The following BTBD8 variants were observed in gnomAD, a reference collection of about 807,000 sequenced individuals.
BTBD8 encodes the protein BTB domain containing 8.
Under a neutral mutation model 162.9 loss-of-function variants are expected in BTBD8, and 110 were observed. The ratio of observed to expected loss-of-function variants is 0.68; its 90% CI spans 0.58 to 0.79. BTBD8 has a LOEUF of 0.79. Ranked by LOEUF, BTBD8 falls within the 30% of genes least tolerant of loss-of-function variation. The probability of loss-of-function intolerance (pLI) is 0.00; values close to 1 mark genes in which losing one functional copy is unlikely to be tolerated. For missense variants in BTBD8, 1,905 were observed against 2,085.4 expected (o/e 0.91, Z 1.68); for synonymous variants, 667 against 716.1 (o/e 0.93, Z 1.10).
At chr1:92,093,582 C>T (rs1196228887) in intron 2 of BTBD8, among the ~76,000 whole-genome samples, 1 of 152,150 alleles carries the variant, frequency 6.6e-6, no homozygotes, top group Admixed American at 6.5e-5. Flanking sequence ...GCCAGTTCTA[C>T]CACTTCTGTA....
chr1:92,099,664 T>C (rs1281647026), intron 2 of BTBD8, among the ~76,000 whole-genome samples: 1 of 152,208 alleles, frequency 6.6e-6, no homozygotes, highest in Non-Finnish European at 1.5e-5. Flanking sequence ...GGAATTATTT[T>C]CTAATTTCAT....
intron 14 of BTBD8, 83 bp downstream of exon 14, chr1:92,177,629 C>A: frequency 2.0e-6 from 2 of 1,002,798 alleles, no homozygotes; most frequent in Non-Finnish European, 1.5e-6. Context: ...TGTATTTGGG[C>A]TTTTATTTAG....
intron 2 of BTBD8, among the ~76,000 whole-genome samples, chr1:92,092,548 A>G (rs1329820849): frequency 1.3e-5 from 2 of 152,200 alleles, no homozygotes; most frequent in Non-Finnish European, 2.9e-5. Flanking sequence ...TTGGTCTTCT[A>G]GCCTCCGAAA....
chr1:92,135,326 C>T (rs1229324078), intron 5 of BTBD8, among the ~76,000 whole-genome samples: 3 of 152,230 alleles, frequency 2.0e-5, no homozygotes, highest in Non-Finnish European at 4.4e-5. Flanking sequence ...GCTGGGATTA[C>T]AGGCGTGTGC....
At chr1:92,105,555 A>G (rs1337642299) in intron 3 of BTBD8, among the ~76,000 whole-genome samples, 3 of 152,242 alleles carry the variant, frequency 2.0e-5, no homozygotes, top group African/African-American at 7.2e-5. Flanking sequence ...GCCCAGCCAA[A>G]ATATATCTTA....
At chr1:92,120,350 G>A (rs1649175647) in intron 4 of BTBD8, among the ~76,000 whole-genome samples, 1 of 152,128 alleles carries the variant, frequency 6.6e-6, no homozygotes, top group Admixed American at 6.5e-5. Context: ...AAGGTCTTCG[G>A]GGCAGTAACG....
intron 1 of BTBD8, among the ~76,000 whole-genome samples, chr1:92,085,463 G>A (rs191127260): frequency 5.3e-5 from 8 of 152,070 alleles, no homozygotes; most frequent in African/African-American, 1.2e-4. Context: ...ATGGTGGTGC[G>A]CACCTGTACT....
At chr1:92,125,485 G>A (rs1649331320) in intron 4 of BTBD8, 1 of 320,760 alleles carries the variant, frequency 3.1e-6, no homozygotes, top group African/African-American at 2.2e-5. Flanking sequence ...AGAAGGAGGA[G>A]GCAAAACAAA....
chr1:92,137,701 G>C (rs1649666644), intron 5 of BTBD8, among the ~76,000 whole-genome samples: 1 of 152,156 alleles, frequency 6.6e-6, no homozygotes, highest in Admixed American at 6.5e-5. Flanking sequence ...AAATGCTTGG[G>C]ATCAGAGTGT....
intron 12 of BTBD8, 25 bp downstream of exon 12, chr1:92,169,020 A>G (rs1295575949): frequency 2.0e-6 from 3 of 1,506,748 alleles, no homozygotes; most frequent in Non-Finnish European, 2.7e-6. Flanking sequence ...AGATATTTCA[A>G]TTCTTATGTA....
In BTBD8 at chr1:92,129,669, C is replaced by A. The variant is rs756288682; in HGVS notation, c.663-18C>A. On this transcript the variant is annotated intron_variant, in intron 4 of 17. Transcript: ENST00000636805. ...TATGTAAATGTTTACCTGTGTTTCT[C>A]CCCCCTCTTCCCTTTAGGGCCATTT... 1 of 1,584,210 alleles carries A rather than the reference C, an allele frequency of 6.3e-7. No homozygotes were observed. The highest frequency in any genetic ancestry group is 8.7e-7 in the Non-Finnish European group (1 of 1,153,040).
intron 9 of BTBD8, among the ~76,000 whole-genome samples, chr1:92,162,303 A>G (rs921302344): frequency 6.6e-6 from 1 of 152,216 alleles, no homozygotes; most frequent in Non-Finnish European, 1.5e-5. Flanking sequence ...CAGCTCAGCA[A>G]TTCTGAACCT....
At chr1:92,126,820 C>T (rs566122993) in intron 4 of BTBD8, among the ~76,000 whole-genome samples, 13 of 152,130 alleles carry the variant, frequency 8.5e-5, no homozygotes, top group Admixed American at 8.5e-4. Flanking sequence ...TTTTAACTGA[C>T]ATAACTTTCC....
At chr1:92,153,433 A>G (rs1650091899) in intron 9 of BTBD8, among the ~76,000 whole-genome samples, 1 of 152,156 alleles carries the variant, frequency 6.6e-6, no homozygotes, top group African/African-American at 2.4e-5. Context: ...TAAGTGTACA[A>G]TACAGTATTG....
intron 5 of BTBD8, among the ~76,000 whole-genome samples, chr1:92,135,239 G>A (rs191701555): frequency 9.8e-4 from 149 of 152,140 alleles, no homozygotes; most frequent in Non-Finnish European, 3.1e-4. Flanking sequence ...GGGCTGGAGT[G>A]CAGTTGCGCG....
intron 13 of BTBD8, among the ~76,000 whole-genome samples, chr1:92,175,520 C>G (rs1227016461): frequency 6.8e-6 from 1 of 146,216 alleles, no homozygotes; most frequent in Admixed American, 7.0e-5. Flanking sequence ...ATTGGCCGGG[C>G]ACAGTGGCTC....
chr1:92,146,962 T>A (rs538589660), intron 7 of BTBD8, among the ~76,000 whole-genome samples: 1 of 152,256 alleles, frequency 6.6e-6, no homozygotes, highest in East Asian at 1.9e-4. Flanking sequence ...AGGAAAAAAA[T>A]TAAGAGTCTG....
intron 9 of BTBD8, among the ~76,000 whole-genome samples, chr1:92,156,684 G>C (rs1650164195): frequency 6.6e-6 from 1 of 152,044 alleles, no homozygotes. Flanking sequence ...TATGTGTCTA[G>C]GAATTTATCC....
At position 92,157,797 on chromosome 1, in the gene BTBD8, G is replaced by C. The variant is rs114903978; in HGVS notation, c.1123-9161G>C. On this transcript the variant is annotated intron_variant, in intron 9 of 17. Coordinates refer to ENST00000636805, the MANE Select transcript of BTBD8 (RefSeq NM_001376131.1). Reference sequence around the variant, plus strand: ...TCTGGGATTACAGGCACGAGCCACTGTGCCCAACATGTTGTATTCACTATT... The same window carrying C: ...TCTGGGATTACAGGCACGAGCCACTCTGCCCAACATGTTGTATTCACTATT... Among the ~76,000 whole-genome samples, 1,257 of 152,210 alleles carry C rather than the reference G, an allele frequency of 8.3e-3. 21 individuals carry two copies. The highest frequency in any genetic ancestry group is 0.028 in the African/African-American group (1,167 of 41,512).
Sources: allele counts gnomAD v4.1 joint callset (sites outside exome capture counted in the v4.1 genomes callset), GRCh38; gene constraint gnomAD v4.1.1; transcripts MANE v1.5; gene names NCBI Gene and HGNC (gene_info 2026-07-23, HGNC 2026-07-21).